Variants in EYS observed in about 807,000 individuals in gnomAD.
EYS encodes the protein protein eyes shut homolog.
A neutral mutation model predicts 282.1 loss-of-function variants in EYS; 250 were observed. That is an observed-to-expected ratio of 0.89 (90% CI 0.80 to 0.98). The LOEUF is 0.98. EYS is among the 50% of genes least tolerant of loss of function. EYS has a pLI of 0.00. For synonymous variants in EYS, 1,355 were observed against 1,282.9 expected, an observed-to-expected ratio of 1.06 and a Z score of -1.20; for missense variants, 4,016 against 3,709.0, an observed-to-expected ratio of 1.08 and a Z score of -2.15.
At chr6:64,892,028 G>A (rs1392864231) in intron 18 of EYS, among the ~76,000 whole-genome samples, 1 of 151,808 alleles carries the variant, frequency 6.6e-6, no homozygotes, top group African/African-American at 2.4e-5. Flanking sequence ...CAATCACTAA[G>A]ATGCATTTTA....
chr6:64,459,012 A>G (rs943891188), intron 26 of EYS, among the ~76,000 whole-genome samples: 1 of 152,192 alleles, frequency 6.6e-6, no homozygotes, highest in Admixed American at 6.5e-5. Flanking sequence ...CCACATTGAG[A>G]GAGTGGTGTA....
chr6:64,506,736 C>T (rs542870656), intron 26 of EYS, among the ~76,000 whole-genome samples: 11 of 152,040 alleles, frequency 7.2e-5, no homozygotes. Context: ...CACGGTGAAA[C>T]CCCGTCTCTA....
At chr6:64,606,828 G>C (rs1766952800) in intron 24 of EYS, among the ~76,000 whole-genome samples, 1 of 151,958 alleles carries the variant, frequency 6.6e-6, no homozygotes, top group Non-Finnish European at 1.5e-5. Context: ...AGAAAGTAAG[G>C]CAAAACCAAA....
intron 2 of EYS, among the ~76,000 whole-genome samples, chr6:65,518,170 T>G (rs1252394330): frequency 6.6e-6 from 1 of 152,110 alleles, no homozygotes; most frequent in Non-Finnish European, 1.5e-5. Flanking sequence ...GAATCCAAAC[T>G]TATATCCAAG....
In EYS at chr6:64,562,131, T is replaced by C. The variant is rs149678223; in HGVS notation, c.5644+28092A>G. Among the ~76,000 whole-genome samples the C allele has an allele frequency of 3.0e-3, 460 of 151,966 alleles. 1 individual carries two copies. The highest frequency in any genetic ancestry group is 9.9e-3 in the African/African-American group (413 of 41,528). On this transcript the variant is annotated intron_variant, in intron 26 of 42. Coordinates refer to ENST00000503581, the MANE Select transcript of EYS (RefSeq NM_001142800.2). ...AATGACTTCAAAGTATCAGGCCTTCTTAGAGACTACATTTATTAGCAGAAT... is the reference window on the plus strand; with the variant it reads ...AATGACTTCAAAGTATCAGGCCTTCCTAGAGACTACATTTATTAGCAGAAT...
intron 29 of EYS, among the ~76,000 whole-genome samples, chr6:64,327,748 C>A (rs1181260611): frequency 6.6e-6 from 1 of 152,122 alleles, no homozygotes; most frequent in African/African-American, 2.4e-5. Flanking sequence ...GCAGAAAAAA[C>A]CCGTCCTACA....
intron 16 of EYS, among the ~76,000 whole-genome samples, chr6:64,903,776 GTC>G (rs1370453244): frequency 6.6e-6 from 1 of 152,130 alleles, no homozygotes; most frequent in Admixed American, 6.6e-5. Context: ...CCATGCCACA[GTC>G]AATGCCATTC....
chr6:63,855,337 G>A (rs1772364193), intron 36 of EYS, among the ~76,000 whole-genome samples: 1 of 152,218 alleles, frequency 6.6e-6, no homozygotes, highest in Non-Finnish European at 1.5e-5. Flanking sequence ...GAAGATGAAT[G>A]TAAAGCACTT....
intron 2 of EYS, among the ~76,000 whole-genome samples, chr6:65,536,780 A>T (rs541982994): frequency 6.6e-6 from 1 of 152,270 alleles, no homozygotes; most frequent in African/African-American, 2.4e-5. Flanking sequence ...CTTTGGGGAG[A>T]TATAATATGC....
chr6:65,114,647 C>G (rs1466190451), intron 12 of EYS, among the ~76,000 whole-genome samples: 1 of 151,666 alleles, frequency 6.6e-6, no homozygotes, highest in African/African-American at 2.4e-5. Flanking sequence ...TTCTTGGATA[C>G]CATTCTTTCT....
chr6:64,531,766 T>G (rs1472630967), intron 26 of EYS, among the ~76,000 whole-genome samples: 1 of 152,010 alleles, frequency 6.6e-6, no homozygotes, highest in Non-Finnish European at 1.5e-5. Flanking sequence ...ATTAAAATTT[T>G]AATACATTCA....
chr6:65,101,146 A>G (rs1331448390), intron 12 of EYS, among the ~76,000 whole-genome samples: 2 of 151,252 alleles, frequency 1.3e-5, no homozygotes, highest in South Asian at 4.2e-4. Context: ...GGAAGTGGCA[A>G]GCATTTATTT....
At chr6:63,881,849 G>GA (rs1251288828) in intron 35 of EYS, among the ~76,000 whole-genome samples, 1 of 151,940 alleles carries the variant, frequency 6.6e-6, no homozygotes, top group Admixed American at 6.6e-5. Flanking sequence ...ATAGAAACAA[G>GA]AAAAAAATGC....
chr6:64,094,540 C>T (rs369538100), intron 31 of EYS, among the ~76,000 whole-genome samples: 39 of 152,188 alleles, frequency 2.6e-4, no homozygotes, highest in African/African-American at 7.9e-4. Context: ...AGTTTATTTG[C>T]GTAGAGGTGT....
intron 22 of EYS, among the ~76,000 whole-genome samples, chr6:64,686,765 G>GTATATA (rs1309346583): frequency 7.7e-5 from 1 of 12,946 alleles, no homozygotes; most frequent in African/African-American, 1.4e-4. Context: ...ATATATATGT[G>GTATATA]TGTATATATA....
At chr6:64,469,593 C>A (rs1178311135) in intron 26 of EYS, among the ~76,000 whole-genome samples, 1 of 152,110 alleles carries the variant, frequency 6.6e-6, no homozygotes, top group Non-Finnish European at 1.5e-5. Context: ...GCTCCTTGGT[C>A]TAGCGGTGAC....
intron 2 of EYS, among the ~76,000 whole-genome samples, chr6:65,535,930 T>C (rs1767948329): frequency 6.6e-6 from 1 of 152,068 alleles, no homozygotes; most frequent in Admixed American, 6.6e-5. Context: ...TACAGGTGTC[T>C]AGCCCCTACC....
At chr6:64,256,145 T>G (rs1384817125) in intron 30 of EYS, among the ~76,000 whole-genome samples, 5 of 152,000 alleles carry the variant, frequency 3.3e-5, no homozygotes, top group Non-Finnish European at 7.4e-5. Flanking sequence ...TTACATACTT[T>G]AGAATTTAAA....
chr6:64,684,344 A>G (rs1307131449), intron 22 of EYS, among the ~76,000 whole-genome samples: 1 of 152,158 alleles, frequency 6.6e-6, no homozygotes, highest in Non-Finnish European at 1.5e-5. Context: ...AACCTAAGTA[A>G]AAAAAGATAT....
Sources: allele counts gnomAD v4.1 joint callset (sites outside exome capture counted in the v4.1 genomes callset), GRCh38; gene constraint gnomAD v4.1.1; transcripts MANE v1.5; gene names NCBI Gene and HGNC (gene_info 2026-07-23, HGNC 2026-07-21).